The following CTNND2 variants were observed in gnomAD, a reference collection of about 807,000 sequenced individuals.
CTNND2 encodes the protein catenin delta-2.
A neutral mutation model predicts 144.4 loss-of-function variants in CTNND2; 22 were observed. The ratio of observed to expected loss-of-function variants is 0.15; its 90% CI spans 0.11 to 0.22. The LOEUF is 0.22. Ranked by LOEUF, CTNND2 falls within the 10% of genes least tolerant of loss-of-function variation. The probability of loss-of-function intolerance (pLI) is 1.00; values close to 1 mark genes in which losing one functional copy is unlikely to be tolerated. For synonymous variants in CTNND2, 751 were observed against 695.6 expected (o/e 1.08, Z -1.25); for missense variants, 1,353 against 1,618.8 (o/e 0.84, Z 2.82).
At chr5:11,811,850 T>C (rs1237500576) in intron 1 of CTNND2, among the ~76,000 whole-genome samples, 2 of 152,190 alleles carry the variant, frequency 1.3e-5, no homozygotes, top group Non-Finnish European at 2.9e-5. Context: ...CAGCAGGAAC[T>C]AGGCAATGTT....
chr5:11,430,565 G>T (rs1309549598), intron 3 of CTNND2, among the ~76,000 whole-genome samples: 1 of 152,002 alleles, frequency 6.6e-6, no homozygotes, highest in Non-Finnish European at 1.5e-5. Flanking sequence ...ACTATCCTGG[G>T]AAATGACTCA....
chr5:11,338,174 C>T (rs887357870), intron 9 of CTNND2, among the ~76,000 whole-genome samples: 4 of 152,256 alleles, frequency 2.6e-5, no homozygotes, highest in South Asian at 2.1e-4. Flanking sequence ...GGGTGAACTA[C>T]ACTGAGAAGG....
At chr5:11,215,676 G>C (rs551934270) in intron 10 of CTNND2, among the ~76,000 whole-genome samples, 194 of 152,202 alleles carry the variant, frequency 1.3e-3, no homozygotes, top group Non-Finnish European at 2.5e-3. Flanking sequence ...ACACTAAAAT[G>C]GGGAAAAATC....
At position 11,397,125 on chromosome 5, in the gene CTNND2, T is replaced by C. The variant is rs763940282; in HGVS notation, c.518A>G (p.His173Arg). 2.8e-5 allele frequency: 45 copies of C among 1,614,084 alleles called. No individual in the cohort carries two copies. In the Middle Eastern group the frequency reaches 6.6e-4, roughly 24 times the overall value. Residue 173 changes from histidine (H) to arginine (R), a missense_variant, in exon 6 of 22, where the codon CAT (histidine) becomes CGT (arginine). By Grantham distance (29) the His-to-Arg change is conservative (BLOSUM62 0). This residue lies in a region of CTNND2 where 708 missense variants were observed against 706.4 expected (regional missense o/e 1.00). Coordinates refer to ENST00000304623, the MANE Select transcript of CTNND2 (RefSeq NM_001332.4). ...EGSFQYPASY[H>R]SNQTLALGET... is the part of the protein sequence containing the mutation. ...CCCCAGGGCCAGGGTCTGGTTGCTA[T>C]GGTAGCTGGCCGGATACTGGAAAGA...
chr5:11,490,376 A>C (rs999820357), intron 3 of CTNND2, among the ~76,000 whole-genome samples: 10 of 152,212 alleles, frequency 6.6e-5, no homozygotes, highest in Non-Finnish European at 1.0e-4. Context: ...ATTAAAATGT[A>C]GTTTCCATAG....
In CTNND2 at chr5:11,402,023, T is replaced by A. The variant is rs143762945; in HGVS notation, c.440-4820A>T. On this transcript the variant is annotated intron_variant, in intron 5 of 21. Transcript: ENST00000304623. ...GGTCTTGAAAACCTTATTGTAGGAC[T>A]CTCCCACACATTATTCATGCTTTCT... Among the ~76,000 whole-genome samples the A allele has an allele frequency of 4.6e-3, 698 of 152,264 alleles. 18 individuals are homozygous for A. Among genetic ancestry groups the A allele is most frequent in the Non-Finnish European group, 1.2e-3 (80 of 68,014 alleles).
At chr5:11,649,247 A>G (rs1019803908) in intron 2 of CTNND2, among the ~76,000 whole-genome samples, 17 of 152,222 alleles carry the variant, frequency 1.1e-4, no homozygotes, top group Non-Finnish European at 1.9e-4. Flanking sequence ...CAGGTTGTCT[A>G]AGTCCAAAAT....
chr5:11,160,290 C>T (rs1421046011), intron 11 of CTNND2, among the ~76,000 whole-genome samples: 1 of 152,174 alleles, frequency 6.6e-6, no homozygotes, highest in Non-Finnish European at 1.5e-5. Context: ...TAAACTGTTG[C>T]CCCTTGTGAC....
chr5:11,239,755 C>A (rs897456805), intron 9 of CTNND2, among the ~76,000 whole-genome samples: 6 of 152,218 alleles, frequency 3.9e-5, no homozygotes, highest in Non-Finnish European at 8.8e-5. Context: ...GGCCCAGTGG[C>A]CTCCCACTCA....
intron 2 of CTNND2, among the ~76,000 whole-genome samples, chr5:11,691,143 G>T (rs567542347): frequency 6.6e-6 from 1 of 152,090 alleles, no homozygotes; most frequent in African/African-American, 2.4e-5. Flanking sequence ...AGGCCGAGGC[G>T]GGTGGATCAC....
At chr5:11,524,932 A>G (rs1008994074) in intron 3 of CTNND2, among the ~76,000 whole-genome samples, 2 of 152,228 alleles carry the variant, frequency 1.3e-5, no homozygotes, top group African/African-American at 2.4e-5. Flanking sequence ...TGCTATGTTC[A>G]TTGATCCATA....
intron 3 of CTNND2, among the ~76,000 whole-genome samples, chr5:11,499,636 T>C (rs1770349137): frequency 6.6e-6 from 1 of 152,242 alleles, no homozygotes; most frequent in Non-Finnish European, 1.5e-5. Flanking sequence ...GAATATGCCA[T>C]TATCCTGATT....
rs148509998 is a variant in CTNND2, at chr5:11,346,428, C to A, written c.1572G>T (p.Pro524=). The A allele has an allele frequency of 1.9e-6, 3 of 1,544,816 alleles. 1 individual carries two copies. The highest frequency in any genetic ancestry group is 3.4e-4 in the Middle Eastern group (2 of 5,866). ...GGGACCTGGCCAAGGTGCCTTCAGG[C>A]GGGAGAGCAGGGCCGGATTTGCTGT... ...SPYSKSGPAL[P]PEGTLARSPS... Residue 524 remains proline (P), a synonymous_variant, in exon 9 of 22, where the codon CCG becomes CCT. Coordinates refer to ENST00000304623, the MANE Select transcript of CTNND2 (RefSeq NM_001332.4).
At chr5:11,470,954 GTATATATATATATATATATA>G (rs71595821) in intron 3 of CTNND2, among the ~76,000 whole-genome samples, 1 of 63,244 alleles carries the variant, frequency 1.6e-5, no homozygotes, top group South Asian at 7.8e-4. Context: ...TTGATACAAA[GTATATATATATATATATATA>G]TATATATTTT....
At chr5:11,044,376 C>G (rs1204090128) in intron 16 of CTNND2, among the ~76,000 whole-genome samples, 1 of 152,060 alleles carries the variant, frequency 6.6e-6, no homozygotes, top group Non-Finnish European at 1.5e-5. Flanking sequence ...TCAGCCTCAT[C>G]AAACCAAACC....
chr5:11,667,959 A>C (rs1783665897), intron 2 of CTNND2, among the ~76,000 whole-genome samples: 1 of 152,154 alleles, frequency 6.6e-6, no homozygotes, highest in Admixed American at 6.5e-5. Context: ...TAAGGAAGGG[A>C]TCCAGTTCCA....
At chr5:11,548,763 T>A (rs1348244423) in intron 3 of CTNND2, among the ~76,000 whole-genome samples, 1 of 152,216 alleles carries the variant, frequency 6.6e-6, no homozygotes, top group Non-Finnish European at 1.5e-5. Flanking sequence ...TTACATTTTG[T>A]TTCTTAAAAT....
chr5:11,221,238 A>T lies in CTNND2; in HGVS notation c.1761+15453T>A, dbSNP rs554504215. 1.1e-4 allele frequency among the ~76,000 whole-genome samples: 16 copies of T among 152,354 alleles called. 1 individual carries two copies. In the South Asian group the frequency reaches 3.1e-3, roughly 30 times the overall value. ...TCCAATCAGCGTCTGATACGAAATGACTGAAACATGGTCAAGCCAGAAATT... is the reference window on the plus strand; with the variant it reads ...TCCAATCAGCGTCTGATACGAAATGTCTGAAACATGGTCAAGCCAGAAATT... On this transcript the variant is annotated intron_variant, in intron 10 of 21. Coordinates refer to ENST00000304623, the MANE Select transcript of CTNND2 (RefSeq NM_001332.4).
intron 9 of CTNND2, among the ~76,000 whole-genome samples, chr5:11,284,425 C>A (rs897649592): frequency 6.6e-6 from 1 of 152,174 alleles, no homozygotes. Flanking sequence ...AGCCTGCCCC[C>A]TGGACAGGAC....
Sources: allele counts gnomAD v4.1 joint callset (sites outside exome capture counted in the v4.1 genomes callset), GRCh38; gene constraint gnomAD v4.1.1; regional missense constraint gnomAD v4.1.1; transcripts MANE v1.5; gene names NCBI Gene and HGNC (gene_info 2026-07-23, HGNC 2026-07-21).